MPZL1: variants seen among roughly 807,000 people sequenced by gnomAD.
The protein encoded by MPZL1 is myelin protein zero-like protein 1.
Under a neutral mutation model 29.3 loss-of-function variants are expected in MPZL1, and 16 were observed. The observed-to-expected ratio is 0.55, with a 90% CI of 0.37 to 0.83. MPZL1 has a LOEUF of 0.83. MPZL1 is among the 40% of genes least tolerant of loss of function. The pLI is 0.00. For missense variants in MPZL1, 279 were observed against 332.9 expected, an observed-to-expected ratio of 0.84 and a Z score of 1.26; for synonymous variants, 143 against 132.0, an observed-to-expected ratio of 1.08 and a Z score of -0.57.
chr1:167,783,412 A>C (rs533104222), intron 5 of MPZL1, among the ~76,000 whole-genome samples: 24 of 152,322 alleles, frequency 1.6e-4, no homozygotes, highest in Admixed American at 2.6e-4. Flanking sequence ...TTTGAGGAGT[A>C]GTTGGTTTTC....
At chr1:167,776,189 C>G (rs779644319) in intron 5 of MPZL1, 23 bp downstream of exon 5, 2 of 1,548,748 alleles carry the variant, frequency 1.3e-6, no homozygotes, top group Non-Finnish European at 1.8e-6. Flanking sequence ...TGCGATTCTG[C>G]CCACTGCACT....
chr1:167,755,814 C>T (rs567499875), intron 1 of MPZL1, among the ~76,000 whole-genome samples: 1 of 152,230 alleles, frequency 6.6e-6, no homozygotes, highest in African/African-American at 2.4e-5. Flanking sequence ...TATTTGTCTC[C>T]ACTAGGCTGT....
chr1:167,766,993 T>C (rs1661128391), intron 2 of MPZL1, among the ~76,000 whole-genome samples: 1 of 151,210 alleles, frequency 6.6e-6, no homozygotes, highest in South Asian at 2.1e-4. Context: ...CTCTGCCCCC[T>C]TCCATGAAAT....
intron 2 of MPZL1, among the ~76,000 whole-genome samples, chr1:167,771,409 G>A (rs1038699732): frequency 5.9e-5 from 9 of 152,128 alleles, no homozygotes; most frequent in Non-Finnish European, 1.3e-4. Context: ...CACAGACACA[G>A]TAACAATCTG....
At chr1:167,750,408 G>T (rs1254065071) in intron 1 of MPZL1, among the ~76,000 whole-genome samples, 1 of 151,992 alleles carries the variant, frequency 6.6e-6, no homozygotes, top group Non-Finnish European at 1.5e-5. Context: ...CATCATATTG[G>T]TTAGGCTGGT....
intron 1 of MPZL1, among the ~76,000 whole-genome samples, chr1:167,745,175 TC>T (rs762665003): frequency 3.3e-5 from 5 of 152,106 alleles, no homozygotes; most frequent in Non-Finnish European, 7.4e-5. Context: ...GGTTTGAACT[TC>T]CCACCTGTTC....
chr1:167,769,616 T>C (rs1261809549), intron 2 of MPZL1, among the ~76,000 whole-genome samples: 2 of 152,244 alleles, frequency 1.3e-5, no homozygotes, highest in South Asian at 2.1e-4. Context: ...TCAGCACCTA[T>C]GAACCTGTGG....
chr1:167,746,100 A>G (rs1208061884), intron 1 of MPZL1, among the ~76,000 whole-genome samples: 1 of 152,062 alleles, frequency 6.6e-6, no homozygotes, highest in Admixed American at 6.6e-5. Flanking sequence ...AAAAATACCT[A>G]TGATTAGACC....
chr1:167,755,706 T>C (rs1341668021), intron 1 of MPZL1, among the ~76,000 whole-genome samples: 1 of 152,196 alleles, frequency 6.6e-6, no homozygotes, highest in Non-Finnish European at 1.5e-5. Flanking sequence ...CTTTAGTATT[T>C]AATGGAAGCC....
rs1329125100 is a variant in MPZL1, at chr1:167,789,385, G to A, written c.*1464G>A. 3 of 152,084 alleles carry A rather than the reference G, an allele frequency of 2.0e-5. No homozygotes were observed. The highest frequency in any genetic ancestry group is 4.4e-5 in the Non-Finnish European group (3 of 68,024). The allele number at this position is 152,084 out of a possible 1,614,324, so 9.4% of individuals were successfully genotyped here. Reference sequence around the variant, plus strand: ...CTGCAGAACGTGTTTGGGGTGAGTGGGAGTGAGGGGCAATGTTACTTTTTC... The same window carrying A: ...CTGCAGAACGTGTTTGGGGTGAGTGAGAGTGAGGGGCAATGTTACTTTTTC... On this transcript the variant is annotated 3_prime_UTR_variant, in exon 6 of 6. Coordinates refer to ENST00000359523, the MANE Select transcript of MPZL1 (RefSeq NM_003953.6).
chr1:167,731,351 C>T (rs781525364), intron 1 of MPZL1, among the ~76,000 whole-genome samples: 2 of 151,404 alleles, frequency 1.3e-5, no homozygotes, highest in Admixed American at 6.6e-5. Context: ...GCACGAGAAT[C>T]GCTTGAACCT....
chr1:167,760,178 A>G (rs1186927898), intron 1 of MPZL1, among the ~76,000 whole-genome samples: 6 of 152,000 alleles, frequency 3.9e-5, no homozygotes, highest in African/African-American at 1.2e-4. Context: ...AGAGAGATCA[A>G]TTTCTAGATA....
intron 1 of MPZL1, among the ~76,000 whole-genome samples, chr1:167,732,512 G>A (rs900699227): frequency 2.0e-5 from 3 of 152,182 alleles, no homozygotes; most frequent in Admixed American, 6.5e-5. Flanking sequence ...CAATTCACAA[G>A]TATGGTCAAA....
intron 5 of MPZL1, among the ~76,000 whole-genome samples, chr1:167,783,233 T>C (rs554838903): frequency 6.6e-6 from 1 of 152,060 alleles, no homozygotes; most frequent in Admixed American, 6.6e-5. Context: ...AGAACCAAAC[T>C]GGGGCTCTTC....
At position 167,791,660 on chromosome 1, in the gene MPZL1, T is replaced by G. The variant is rs1175875111; in HGVS notation, c.*3739T>G. ...AGCCTTGTTCCTAACCACTATGCCC[T>G]GTGGCCTCTCACACCAAAAGGAAGT... On this transcript the variant is annotated 3_prime_UTR_variant, in exon 6 of 6. Coordinates refer to ENST00000359523, the MANE Select transcript of MPZL1 (RefSeq NM_003953.6). 1.3e-5 allele frequency: 2 copies of G among 152,252 alleles called. No homozygotes were observed. The highest frequency in any genetic ancestry group is 4.8e-5 in the African/African-American group (2 of 41,464). The allele number at this position is 152,252 out of a possible 1,614,324, so 9.4% of individuals were successfully genotyped here. A position where few individuals can be genotyped will look rare whatever the true frequency, so the allele number is the denominator to read the frequency against.
intron 2 of MPZL1, among the ~76,000 whole-genome samples, chr1:167,771,156 G>A (rs1022031628): frequency 3.1e-4 from 47 of 152,068 alleles, no homozygotes; most frequent in Non-Finnish European, 5.4e-4. Flanking sequence ...CGCAGTGTTT[G>A]TGTCCCTGGG....
At chr1:167,739,113 T>C (rs979912809) in intron 1 of MPZL1, among the ~76,000 whole-genome samples, 7 of 151,414 alleles carry the variant, frequency 4.6e-5, no homozygotes, top group African/African-American at 1.7e-4. Flanking sequence ...AGCTAAGCTT[T>C]GTGTTTTTTG....
intron 1 of MPZL1, among the ~76,000 whole-genome samples, chr1:167,732,140 T>A (rs900773009): frequency 1.3e-5 from 2 of 152,360 alleles, no homozygotes. Flanking sequence ...ATTGTATTAA[T>A]TTTTTAAAAT....
rs934668203 is a variant in MPZL1, at chr1:167,773,126, A to G, written c.473-110A>G. The G allele has an allele frequency of 3.6e-5, 41 of 1,127,428 alleles. No homozygotes were observed. The African/African-American group carries it at 5.9e-4, about 16-fold the overall frequency. The allele number at this position is 1,127,428 out of a possible 1,614,324, so 69.8% of individuals were successfully genotyped here. A position where few individuals can be genotyped will look rare whatever the true frequency, so the allele number is the denominator to read the frequency against. On this transcript the variant is annotated intron_variant, in intron 3 of 5. Coordinates refer to ENST00000359523, the MANE Select transcript of MPZL1 (RefSeq NM_003953.6). ...AGGATCTCATAGTTTGGATAATAAA[A>G]GAGGGTACGGTAACTGCTAAATGAA...
Sources: allele counts gnomAD v4.1 joint callset (sites outside exome capture counted in the v4.1 genomes callset), GRCh38; gene constraint gnomAD v4.1.1; transcripts MANE v1.5; gene names NCBI Gene and HGNC (gene_info 2026-07-23, HGNC 2026-07-21).